The following CELF4 variants were observed in gnomAD, a reference collection of about 807,000 sequenced individuals.
CELF4 encodes CUG-BP- and ETR-3-like factor 4.
CELF4 carries 18 observed loss-of-function variants against 59.9 expected under a neutral mutation model. The observed-to-expected ratio is 0.30, with a 90% CI of 0.21 to 0.45. The LOEUF is 0.45. Ranked by LOEUF, CELF4 falls within the 20% of genes least tolerant of loss-of-function variation. The pLI, the probability that CELF4 is intolerant of heterozygous loss-of-function variation, is 1.00. For synonymous variants in CELF4, 261 were observed against 267.1 expected (o/e 0.98, Z 0.22); for missense variants, 456 against 689.0 (o/e 0.66, Z 3.79).
rs115995605 is a variant in CELF4, at chr18:37,288,261, C to T, written c.449-13018G>A. Among the ~76,000 whole-genome samples the T allele has an allele frequency of 1.0e-3, 157 of 152,340 alleles. 3 individuals carry two copies. Among genetic ancestry groups the T allele is most frequent in the African/African-American group, 3.7e-3 (154 of 41,576 alleles). On this transcript the variant is annotated intron_variant, in intron 3 of 12. Coordinates refer to ENST00000420428, the MANE Select transcript of CELF4 (RefSeq NM_020180.4). Reference sequence around the variant, plus strand: ...CACCTAATGAGGTCCTCCCTTCCTGCGCGGAGGGATGTCTCCCTTATAGGT... The same window carrying T: ...CACCTAATGAGGTCCTCCCTTCCTGTGCGGAGGGATGTCTCCCTTATAGGT...
chr18:37,517,284 G>A (rs2032103861), intron 1 of CELF4, among the ~76,000 whole-genome samples: 1 of 152,210 alleles, frequency 6.6e-6, no homozygotes, highest in South Asian at 2.1e-4. Flanking sequence ...GCAGATTCCT[G>A]TTGGAGAGCA....
intron 2 of CELF4, among the ~76,000 whole-genome samples, 156 bp downstream of exon 2, chr18:37,485,368 GA>G (rs2099878797): frequency 3.3e-5 from 5 of 150,004 alleles, no homozygotes; most frequent in South Asian, 4.2e-4. Context: ...GGACGGCCGA[GA>G]GCCCAGGGAT....
At chr18:37,344,198 T>C (rs1403938352) in intron 2 of CELF4, among the ~76,000 whole-genome samples, 1 of 152,198 alleles carries the variant, frequency 6.6e-6, no homozygotes, top group African/African-American at 2.4e-5. Flanking sequence ...GCATCCACAG[T>C]AACACCAGGT....
intron 2 of CELF4, among the ~76,000 whole-genome samples, chr18:37,356,182 T>C (rs977789342): frequency 1.1e-4 from 16 of 152,204 alleles, no homozygotes; most frequent in African/African-American, 3.4e-4. Flanking sequence ...AGAACCACCA[T>C]GGGGCCATCA....
chr18:37,279,573 G>A (rs549389412), intron 3 of CELF4, among the ~76,000 whole-genome samples: 1 of 152,228 alleles, frequency 6.6e-6, no homozygotes, highest in Non-Finnish European at 1.5e-5. Flanking sequence ...CCTTCTCTGT[G>A]CCGGACTCTG....
In CELF4 at chr18:37,321,738, G is replaced by GCGT. The variant is rs1491229677; in HGVS notation, c.448+62_448+64dup. ...CGGGGAGTCGCTGCATCGCCTTGCT[G>GCGT]CGTCGGGAAAAGGAGGGAGGAGTGA... On this transcript the variant is annotated intron_variant, in intron 3 of 12. Transcript: ENST00000420428. 9.1e-6 allele frequency: 11 copies of GCGT among 1,206,256 alleles called. No individual in the cohort carries two copies. The African/African-American group carries it at 1.0e-4, about 11-fold the overall frequency. 74.7% of individuals were successfully genotyped at this position (1,206,256 alleles called of 1,614,324 possible).
At chr18:37,357,326 CG>C (rs2098608229) in intron 2 of CELF4, among the ~76,000 whole-genome samples, 1 of 152,194 alleles carries the variant, frequency 6.6e-6, no homozygotes, top group Non-Finnish European at 1.5e-5. Flanking sequence ...GCGTAGAGCT[CG>C]GGCTGTGGCT....
At chr18:37,531,410 C>T (rs955880480) in intron 1 of CELF4, among the ~76,000 whole-genome samples, 5 of 152,144 alleles carry the variant, frequency 3.3e-5, no homozygotes, top group Admixed American at 2.6e-4. Flanking sequence ...ATGGAAATTG[C>T]ACATGTCCCC....
intron 1 of CELF4, among the ~76,000 whole-genome samples, chr18:37,495,091 T>C (rs895896702): frequency 1.3e-5 from 2 of 152,240 alleles, no homozygotes; most frequent in Non-Finnish European, 2.9e-5. Flanking sequence ...AGTGCCAGGA[T>C]AAATTCTTTG....
At chr18:37,435,099 G>T (rs1416268571) in intron 2 of CELF4, among the ~76,000 whole-genome samples, 1 of 152,074 alleles carries the variant, frequency 6.6e-6, no homozygotes, top group Non-Finnish European at 1.5e-5. Context: ...GTTCCCCTTT[G>T]GGGGTAGAGA....
chr18:37,282,846 G>A (rs868353080), intron 3 of CELF4, among the ~76,000 whole-genome samples: 1 of 152,274 alleles, frequency 6.6e-6, no homozygotes. Context: ...CTCTGAGCCT[G>A]AGCCAGTGGA....
chr18:37,441,991 A>C lies in CELF4; in HGVS notation c.369+43534T>G, dbSNP rs4799924. On this transcript the variant is annotated intron_variant, in intron 2 of 12. Transcript: ENST00000420428. Reference sequence around the variant, plus strand: ...AAACCGCAAAGAACCTAGATGACACAGTGCGTCACCCAAACCGCAAAGACC... The same window carrying C: ...AAACCGCAAAGAACCTAGATGACACCGTGCGTCACCCAAACCGCAAAGACC... 1.5e-3 allele frequency among the ~76,000 whole-genome samples: 94 copies of C among 61,880 alleles called. 3 individuals are homozygous for C. Among genetic ancestry groups the C allele is most frequent in the African/African-American group, 4.9e-3 (88 of 17,788 alleles). 40.6% of individuals were successfully genotyped at this position (61,880 alleles called of 152,430 possible).
chr18:37,259,490 C>G (rs895830260), intron 10 of CELF4, among the ~76,000 whole-genome samples: 2 of 152,224 alleles, frequency 1.3e-5, no homozygotes, highest in African/African-American at 4.8e-5. Flanking sequence ...GTCACTGAAC[C>G]TCTCTGTGCC....
At chr18:37,282,779 A>G (rs1786075) in intron 3 of CELF4, among the ~76,000 whole-genome samples, 152,160 of 152,222 alleles carry the variant, frequency 1, 76,049 homozygotes, top group Middle Eastern at 1. Context: ...CCATCCTCCC[A>G]AGAGCCAGTT....
chr18:37,465,193 T>G (rs960745402), intron 2 of CELF4, among the ~76,000 whole-genome samples: 3 of 152,198 alleles, frequency 2.0e-5, no homozygotes, highest in African/African-American at 7.2e-5. Context: ...ATTATTTATT[T>G]AGTCTTAATT....
intron 2 of CELF4, among the ~76,000 whole-genome samples, chr18:37,391,130 A>AG (rs2099157266): frequency 6.6e-6 from 1 of 151,994 alleles, no homozygotes; most frequent in Non-Finnish European, 1.5e-5. Flanking sequence ...CCCCCTGGGG[A>AG]GGGGTCCCTA....
At chr18:37,544,899 A>C (rs532024926) in intron 1 of CELF4, among the ~76,000 whole-genome samples, 1 of 152,114 alleles carries the variant, frequency 6.6e-6, no homozygotes, top group Non-Finnish European at 1.5e-5. Context: ...ATTGTTGACA[A>C]CTTGGACAGG....
intron 2 of CELF4, among the ~76,000 whole-genome samples, chr18:37,417,595 T>C (rs960257983): frequency 1.3e-5 from 2 of 152,228 alleles, no homozygotes; most frequent in East Asian, 1.9e-4. Context: ...AGGTGCTTCT[T>C]GCAGCACTGG....
chr18:37,470,702 A>G (rs2099818753), intron 2 of CELF4, among the ~76,000 whole-genome samples: 1 of 152,102 alleles, frequency 6.6e-6, no homozygotes, highest in South Asian at 2.1e-4. Flanking sequence ...CAAGAGGAGG[A>G]ATCAGTATTT....
Sources: gnomAD v4.1 joint callset for allele counts (sites outside exome capture counted in the v4.1 genomes callset) on GRCh38, gnomAD v4.1.1 for gene constraint, MANE v1.5 for transcripts, NCBI Gene and HGNC (gene_info 2026-07-23, HGNC 2026-07-21) for gene names.